FHOD3: variants seen among roughly 807,000 people sequenced by gnomAD.
FHOD3 encodes formin homology 2 domain containing 3.
In FHOD3, 90 loss-of-function variants were observed where a neutral mutation model predicts 173.0. That is an observed-to-expected ratio of 0.52 (90% CI 0.44 to 0.62). The LOEUF (loss-of-function observed/expected upper bound fraction) is 0.62. FHOD3 is among the 20% of genes least tolerant of loss of function. The pLI is 0.00. For missense variants in FHOD3, 1,945 were observed against 2,034.7 expected (o/e 0.96, Z 0.85); for synonymous variants, 828 against 823.0 (o/e 1.01, Z -0.10).
At chr18:36,667,647 A>G (rs957712416) in intron 14 of FHOD3, among the ~76,000 whole-genome samples, 4 of 152,208 alleles carry the variant, frequency 2.6e-5, no homozygotes, top group African/African-American at 9.6e-5. Context: ...AGAGAAAAAA[A>G]TGGTACATCT....
At chr18:36,371,386 G>A (rs1383522451) in intron 2 of FHOD3, among the ~76,000 whole-genome samples, 2 of 152,204 alleles carry the variant, frequency 1.3e-5, no homozygotes, top group East Asian at 1.9e-4. Context: ...ATGGTGGAAG[G>A]TGAAGGAAGA....
At chr18:36,459,868 C>T (rs550683974) in intron 3 of FHOD3, among the ~76,000 whole-genome samples, 1 of 152,140 alleles carries the variant, frequency 6.6e-6, no homozygotes, top group South Asian at 2.1e-4. Flanking sequence ...AGCTGATGCC[C>T]TTTTCCTCTT....
intron 1 of FHOD3, among the ~76,000 whole-genome samples, chr18:36,341,877 G>A (rs1006279826): frequency 1.3e-5 from 2 of 151,958 alleles, no homozygotes; most frequent in Non-Finnish European, 2.9e-5. Context: ...AGATTTATTC[G>A]ATATATCCAG....
At chr18:36,730,910 C>A in intron 20 of FHOD3, 106 bp downstream of exon 20, 1 of 1,201,436 alleles carries the variant, frequency 8.3e-7, no homozygotes, top group Non-Finnish European at 1.2e-6. Flanking sequence ...TCTGTCTCAA[C>A]TAGACTCTGA....
intron 1 of FHOD3, among the ~76,000 whole-genome samples, chr18:36,321,488 C>T (rs1175862989): frequency 6.6e-6 from 1 of 152,164 alleles, no homozygotes; most frequent in Non-Finnish European, 1.5e-5. Context: ...TTTTTTCTCT[C>T]CTGGCTTGGA....
chr18:36,471,081 G>T (rs574215328), intron 3 of FHOD3, among the ~76,000 whole-genome samples: 1 of 152,198 alleles, frequency 6.6e-6, no homozygotes, highest in African/African-American at 2.4e-5. Context: ...AGTTAATGAT[G>T]CAAATGCAGC....
At chr18:36,684,879 T>G (rs2038500750) in intron 15 of FHOD3, among the ~76,000 whole-genome samples, 1 of 152,178 alleles carries the variant, frequency 6.6e-6, no homozygotes, top group African/African-American at 2.4e-5. Context: ...CTTGGCTCAC[T>G]GCAGCCTCGA....
chr18:36,344,452 C>T (rs1435532891), intron 1 of FHOD3, among the ~76,000 whole-genome samples: 1 of 151,928 alleles, frequency 6.6e-6, no homozygotes, highest in Non-Finnish European at 1.5e-5. Context: ...GTCTAGTGTC[C>T]TTAACATTGT....
At chr18:36,320,519 G>A (rs2044341759) in intron 1 of FHOD3, among the ~76,000 whole-genome samples, 1 of 152,140 alleles carries the variant, frequency 6.6e-6, no homozygotes, top group Non-Finnish European at 1.5e-5. Flanking sequence ...AGAAGTCTAG[G>A]ACCAGATGGA....
chr18:36,740,186 A>G (rs2041837422), intron 20 of FHOD3, among the ~76,000 whole-genome samples: 1 of 152,220 alleles, frequency 6.6e-6, no homozygotes, highest in African/African-American at 2.4e-5. Context: ...TTTTTTCTGC[A>G]ATCAGACTTA....
chr18:36,685,295 C>CA (rs2038532262), intron 15 of FHOD3, among the ~76,000 whole-genome samples: 1 of 152,082 alleles, frequency 6.6e-6, no homozygotes, highest in Non-Finnish European at 1.5e-5. Flanking sequence ...TCCACTCATC[C>CA]AAAATGAATG....
chr18:36,602,208 T>C (rs559619930), intron 7 of FHOD3, among the ~76,000 whole-genome samples: 1 of 152,336 alleles, frequency 6.6e-6, no homozygotes, highest in South Asian at 2.1e-4. Context: ...ATACTTCCGT[T>C]CTTGAGATAT....
At chr18:36,571,792 GA>G (rs976602208) in intron 5 of FHOD3, among the ~76,000 whole-genome samples, 29 of 150,632 alleles carry the variant, frequency 1.9e-4, no homozygotes, top group Middle Eastern at 3.4e-3. Flanking sequence ...TTGGACCTAT[GA>G]AAAAAAAATG....
At chr18:36,769,532 G>A (rs2150372579) in intron 28 of FHOD3, 106 bp downstream of exon 28, 1 of 1,409,916 alleles carries the variant, frequency 7.1e-7, no homozygotes, top group East Asian at 2.5e-5. Flanking sequence ...AATTGTCAGT[G>A]GCTCCCAGAG....
At chr18:36,544,316 T>C (rs1445845869) in intron 5 of FHOD3, among the ~76,000 whole-genome samples, 2 of 152,224 alleles carry the variant, frequency 1.3e-5, no homozygotes, top group Non-Finnish European at 2.9e-5. Context: ...CTCAGAGTGG[T>C]CAAGGGTGAA....
intron 3 of FHOD3, among the ~76,000 whole-genome samples, chr18:36,401,320 A>C (rs2048802162): frequency 3.3e-5 from 5 of 152,194 alleles, no homozygotes; most frequent in Admixed American, 3.3e-4. Context: ...TATAAGGAAC[A>C]AGACCTCACC....
At chr18:36,336,391 A>G (rs1246271129) in intron 1 of FHOD3, among the ~76,000 whole-genome samples, 3 of 152,242 alleles carry the variant, frequency 2.0e-5, no homozygotes, top group Non-Finnish European at 4.4e-5. Context: ...TTTTAGCTGT[A>G]GAGTATCTCT....
intron 28 of FHOD3, among the ~76,000 whole-genome samples, chr18:36,770,026 C>T (rs753244476): frequency 6.6e-6 from 1 of 152,178 alleles, no homozygotes; most frequent in African/African-American, 2.4e-5. Flanking sequence ...TGGTCTGAAC[C>T]TACTGCCTGC....
chr18:36,620,213 A>C (rs1293502932), intron 9 of FHOD3, among the ~76,000 whole-genome samples: 1 of 152,094 alleles, frequency 6.6e-6, no homozygotes, highest in Non-Finnish European at 1.5e-5. Flanking sequence ...CATTCCCAAG[A>C]TGTGTCTGAA....
Sources: gnomAD v4.1 joint callset for allele counts (sites outside exome capture counted in the v4.1 genomes callset) on GRCh38, gnomAD v4.1.1 for gene constraint, MANE v1.5 for transcripts, NCBI Gene and HGNC (gene_info 2026-07-23, HGNC 2026-07-21) for gene names.